The following FBXO34 variants were observed in gnomAD, a reference collection of about 807,000 sequenced individuals.
FBXO34 encodes F-box protein 34.
A neutral mutation model predicts 24.5 loss-of-function variants in FBXO34; 12 were observed. That is an observed-to-expected ratio of 0.49 (90% CI 0.31 to 0.79). The LOEUF (loss-of-function observed/expected upper bound fraction) is 0.79, where lower values mean the gene tolerates loss of function less well. Ranked by LOEUF, FBXO34 falls within the 30% of genes least tolerant of loss-of-function variation. The pLI is 0.04. For synonymous variants in FBXO34, 320 were observed against 311.9 expected (o/e 1.03, Z -0.27); for missense variants, 823 against 857.7 (o/e 0.96, Z 0.51).
intron 1 of FBXO34, among the ~76,000 whole-genome samples, chr14:55,278,787 A>G (rs940044179): frequency 2.0e-5 from 3 of 152,164 alleles, no homozygotes; most frequent in African/African-American, 7.2e-5. Flanking sequence ...CCTAGGCTCA[A>G]GTGATCTTCT....
At chr14:55,345,875 A>AC (rs145497293) in intron 1 of FBXO34, among the ~76,000 whole-genome samples, 8,854 of 152,198 alleles carry the variant, frequency 0.058, 325 homozygotes, top group South Asian at 0.089. Flanking sequence ...CCATTGTGGC[A>AC]TGTGCTTGTG....
At chr14:55,373,002 A>G (rs1884852166), downstream of FBXO34, among the ~76,000 whole-genome samples, 1 of 123,142 alleles carries the variant, frequency 8.1e-6, no homozygotes, top group African/African-American at 2.9e-5. Context: ...GAAGCCACAG[A>G]GCAGGAGGAG....
intron 1 of FBXO34, among the ~76,000 whole-genome samples, chr14:55,280,773 G>A (rs971590835): frequency 1.3e-5 from 2 of 151,994 alleles, no homozygotes; most frequent in Admixed American, 6.5e-5. Context: ...TGATCCTCCC[G>A]CCTCAGCCTT....
chr14:55,413,722 T>A, the FBXO34 span: 2,460 of 300,220 alleles, frequency 8.2e-3, 58 homozygotes, highest in African/African-American at 0.052. Context: ...GGAAACTTAC[T>A]TGGCTCTTAG....
chr14:55,429,031 T>C, the FBXO34 span: 12 of 1,582,852 alleles, frequency 7.6e-6, no homozygotes, highest in Non-Finnish European at 1.0e-5. Context: ...TCTCAACTAC[T>C]GGTGTTGTAT....
downstream of FBXO34, among the ~76,000 whole-genome samples, chr14:55,362,314 A>G (rs1884603900): frequency 6.6e-6 from 1 of 152,234 alleles, no homozygotes; most frequent in African/African-American, 2.4e-5. Context: ...AAACAATTAC[A>G]ATAGTAACAT....
At chr14:55,414,465 A>G in the FBXO34 span, 1 of 1,583,934 alleles carries the variant, frequency 6.3e-7, no homozygotes, top group Non-Finnish European at 8.6e-7. Flanking sequence ...CCTATAAAGA[A>G]ATCCAGGTTT....
At chr14:55,378,034 G>A in the FBXO34 span, 1 of 1,612,900 alleles carries the variant, frequency 6.2e-7, no homozygotes, top group Non-Finnish European at 8.5e-7. Context: ...TTCACTGCTC[G>A]AGTAAATTTC....
intron 1 of FBXO34, among the ~76,000 whole-genome samples, chr14:55,310,821 G>T (rs1480665420): frequency 6.6e-6 from 1 of 152,030 alleles, no homozygotes; most frequent in African/African-American, 2.4e-5. Context: ...AACATCCTAT[G>T]ATGACCATCA....
chr14:55,388,624 G>A, the FBXO34 span, among the ~76,000 whole-genome samples: 1 of 152,194 alleles, frequency 6.6e-6, no homozygotes, highest in African/African-American at 2.4e-5. Flanking sequence ...AGATTCTAGA[G>A]AAATAATTCA....
downstream of FBXO34, among the ~76,000 whole-genome samples, chr14:55,355,522 G>T (rs1884507540): frequency 6.6e-6 from 1 of 152,204 alleles, no homozygotes; most frequent in African/African-American, 2.4e-5. Flanking sequence ...CATTGTGTTT[G>T]TACTGAACAT....
intron 1 of FBXO34, among the ~76,000 whole-genome samples, chr14:55,284,647 G>T (rs1231227226): frequency 1.4e-5 from 2 of 141,910 alleles, no homozygotes. Flanking sequence ...TTGAAACAGG[G>T]TCTCTGTCAC....
the FBXO34 span, among the ~76,000 whole-genome samples, chr14:55,440,849 A>G: frequency 9.2e-5 from 13 of 140,686 alleles, no homozygotes; most frequent in East Asian, 2.2e-3. Flanking sequence ...GGAAAGTGAG[A>G]AAAAAAAAGG....
downstream of FBXO34, among the ~76,000 whole-genome samples, chr14:55,362,213 G>C: frequency 6.6e-6 from 1 of 152,194 alleles, no homozygotes; most frequent in Admixed American, 6.5e-5. Flanking sequence ...CCCGAAGAGA[G>C]GGAAATGAGG....
chr14:55,330,488 A>G (rs949967778), intron 1 of FBXO34, among the ~76,000 whole-genome samples: 4 of 152,042 alleles, frequency 2.6e-5, no homozygotes, highest in Non-Finnish European at 4.4e-5. Flanking sequence ...TAGCTTTCCG[A>G]AATCTTATGA....
chr14:55,377,671 C>T, the FBXO34 span: 4 of 467,126 alleles, frequency 8.6e-6, no homozygotes, highest in East Asian at 6.6e-5. Flanking sequence ...AATATAATTA[C>T]CTTTGTTTCT....
At chr14:55,369,928 G>A, downstream of FBXO34, 1 of 1,590,548 alleles carries the variant, frequency 6.3e-7, no homozygotes, top group South Asian at 1.1e-5. Context: ...GCCCTGACCT[G>A]TGTGCAGACA....
At chr14:55,337,957 A>G (rs1036060406) in intron 1 of FBXO34, among the ~76,000 whole-genome samples, 2 of 151,390 alleles carry the variant, frequency 1.3e-5, no homozygotes, top group East Asian at 1.9e-4. Context: ...ATTGAGCTCT[A>G]TGATATGCTT....
the FBXO34 span, among the ~76,000 whole-genome samples, chr14:55,415,145 C>T: frequency 6.6e-5 from 10 of 152,182 alleles, no homozygotes; most frequent in Non-Finnish European, 1.2e-4. Flanking sequence ...TATGCAGGCA[C>T]GTTGTGCTAA....
Sources: allele counts gnomAD v4.1 joint callset (sites outside exome capture counted in the v4.1 genomes callset), GRCh38; gene constraint gnomAD v4.1.1; transcripts MANE v1.5; gene names NCBI Gene and HGNC (gene_info 2026-07-23, HGNC 2026-07-21).